The following DSCAML1 variants were observed in gnomAD, a reference collection of about 807,000 sequenced individuals.
DSCAML1 encodes DS cell adhesion molecule like 1, also known as cell adhesion molecule DSCAML1.
A neutral mutation model predicts 200.5 loss-of-function variants in DSCAML1; 38 were observed. The ratio of observed to expected loss-of-function variants is 0.19; its 90% CI spans 0.15 to 0.25. The LOEUF (loss-of-function observed/expected upper bound fraction) is 0.25. Among genes scored for constraint, DSCAML1 ranks in the 10% least tolerant of loss-of-function variants. The probability of loss-of-function intolerance (pLI) is 1.00; values close to 1 mark genes in which losing one functional copy is unlikely to be tolerated. For synonymous variants in DSCAML1, 1,215 were observed against 1,165.0 expected, an observed-to-expected ratio of 1.04 and a Z score of -0.87; for missense variants, 2,223 against 2,858.8, an observed-to-expected ratio of 0.78 and a Z score of 5.07.
chr11:117,436,830 C>T (rs2047926861), intron 26 of DSCAML1, among the ~76,000 whole-genome samples: 1 of 152,164 alleles, frequency 6.6e-6, no homozygotes, highest in Admixed American at 6.5e-5. Context: ...CTCCCTGAAA[C>T]AATGCACAGT....
intron 3 of DSCAML1, among the ~76,000 whole-genome samples, chr11:117,683,462 G>A (rs142678789): frequency 2.9e-4 from 44 of 152,258 alleles, no homozygotes; most frequent in African/African-American, 8.9e-4. Context: ...CGAGTTTCTC[G>A]ACATCACTTC....
Sources: allele counts gnomAD v4.1 joint callset (sites outside exome capture counted in the v4.1 genomes callset), GRCh38; gene constraint gnomAD v4.1.1; transcripts MANE v1.5; gene names NCBI Gene and HGNC (gene_info 2026-07-23, HGNC 2026-07-21).